Variants in DPYD observed in about 807,000 individuals in gnomAD.
DPYD encodes dihydropyrimidine dehydrogenase.
A neutral mutation model predicts 116.2 loss-of-function variants in DPYD; 109 were observed. That is an observed-to-expected ratio of 0.94 (90% CI 0.80 to 1.10). The LOEUF is 1.10. Among genes scored for constraint, DPYD ranks in the 50% least tolerant of loss-of-function variants. DPYD has a pLI of 0.00. For synonymous variants in DPYD, 440 were observed against 432.0 expected (o/e 1.02, Z -0.23); for missense variants, 1,302 against 1,254.5 (o/e 1.04, Z -0.57).
At chr1:97,320,186 C>T (rs1250930064) in intron 16 of DPYD, among the ~76,000 whole-genome samples, 18 of 132,054 alleles carry the variant, frequency 1.4e-4, no homozygotes, top group African/African-American at 4.5e-4. Context: ...ACAGGGATGC[C>T]CTCTCTCACC....
chr1:97,291,362 A>G (rs1177763040), intron 18 of DPYD, among the ~76,000 whole-genome samples: 3 of 151,982 alleles, frequency 2.0e-5, no homozygotes, highest in African/African-American at 4.8e-5. Flanking sequence ...ACTATAAATC[A>G]TGCTGCTATA....
At chr1:97,682,168 T>C (rs1660458927) in intron 7 of DPYD, among the ~76,000 whole-genome samples, 1 of 152,028 alleles carries the variant, frequency 6.6e-6, no homozygotes. Flanking sequence ...TCTACTCTAA[T>C]ACACAATAGT....
rs186905418 is a variant in DPYD at position 97,310,044 on chromosome 1, G to T, written c.2059-3747C>A. ...AATGAGACTGAGAATTTCCTGATAA[G>T]CTAAATTACAAGTGAAATTTTGACT... On this transcript the variant is annotated intron_variant, in intron 16 of 22. Transcript: ENST00000370192. Among the ~76,000 whole-genome samples the T allele has an allele frequency of 2.6e-5, 4 of 151,746 alleles. 1 individual carries two copies.
chr1:97,851,901 A>G (rs1292522076), intron 2 of DPYD, among the ~76,000 whole-genome samples: 1 of 151,896 alleles, frequency 6.6e-6, no homozygotes, highest in Non-Finnish European at 1.5e-5. Flanking sequence ...AACCAGGCAG[A>G]AAGTGCAGCA....
At chr1:97,529,477 T>A (rs571847112) in intron 12 of DPYD, among the ~76,000 whole-genome samples, 3 of 152,284 alleles carry the variant, frequency 2.0e-5, no homozygotes, top group Admixed American at 6.5e-5. Context: ...ACACACCTTT[T>A]TTTCCACAGC....
chr1:97,485,413 GC>G (rs554303177), intron 13 of DPYD, among the ~76,000 whole-genome samples: 86 of 152,270 alleles, frequency 5.6e-4, no homozygotes, highest in African/African-American at 2.0e-3. Context: ...TGTTGGCCAG[GC>G]TGGTCTCGAA....
Position 97,165,336 on chromosome 1 carries a change from C to A in DPYD, c.2622+27733G>T, listed in dbSNP as rs569586215. Among the ~76,000 whole-genome samples the A allele has an allele frequency of 2.6e-5, 4 of 152,192 alleles. No homozygotes were observed. The South Asian group carries it at 8.3e-4, about 32-fold the overall frequency. On this transcript the variant is annotated intron_variant, in intron 20 of 22. Coordinates refer to ENST00000370192, the MANE Select transcript of DPYD (RefSeq NM_000110.4). ...AAAAACAAGCAATGGGGAAAAGACT[C>A]CCTGTTCGATAAATGATGCTGAGAT...
intron 14 of DPYD, among the ~76,000 whole-genome samples, chr1:97,441,296 C>T (rs896674111): frequency 6.6e-6 from 1 of 151,972 alleles, no homozygotes; most frequent in Non-Finnish European, 1.5e-5. Context: ...AAATTTTTTT[C>T]TGTATTTCCA....
intron 14 of DPYD, among the ~76,000 whole-genome samples, chr1:97,435,679 T>C (rs1169826072): frequency 2.0e-5 from 3 of 151,978 alleles, no homozygotes; most frequent in Admixed American, 6.6e-5. Context: ...GTGTTAAGTA[T>C]TGTTTTTTAT....
chr1:97,099,180 ACTTACTGGAAT>A (rs1254701037), intron 20 of DPYD, among the ~76,000 whole-genome samples: 1 of 152,102 alleles, frequency 6.6e-6, no homozygotes, highest in Non-Finnish European at 1.5e-5. Flanking sequence ...GTTGATTGCA[ACTTACTGGAAT>A]AGCTGAAAAA....
chr1:97,349,088 A>G (rs10875070), intron 16 of DPYD, among the ~76,000 whole-genome samples: 23,951 of 152,214 alleles, frequency 0.16, 2,050 homozygotes, highest in East Asian at 0.29. Context: ...TTCTGGCTGT[A>G]GAATTTCAGC....
At chr1:97,351,370 C>T (rs957121337) in intron 16 of DPYD, among the ~76,000 whole-genome samples, 1 of 152,026 alleles carries the variant, frequency 6.6e-6, no homozygotes, top group Non-Finnish European at 1.5e-5. Flanking sequence ...AGAAGATGTT[C>T]CCACGGCGTT....
intron 13 of DPYD, among the ~76,000 whole-genome samples, chr1:97,513,149 A>G (rs574532158): frequency 6.6e-6 from 1 of 151,802 alleles, no homozygotes; most frequent in South Asian, 2.1e-4. Flanking sequence ...TTAGACCTCA[A>G]TCTGGCATCT....
rs1660924162 is a variant in DPYD, at chr1:97,689,868, T to C, written c.762+1849A>G. Among the ~76,000 whole-genome samples the C allele has an allele frequency of 2.0e-5, 3 of 152,102 alleles. No homozygotes were observed. In the South Asian group the frequency reaches 6.2e-4, roughly 31 times the overall value. On this transcript the variant is annotated intron_variant, in intron 7 of 22. Coordinates refer to ENST00000370192, the MANE Select transcript of DPYD (RefSeq NM_000110.4). ...TCACTGCTATCTTTCCTCAGAATTG[T>C]ATATACAGTTTATTGTTTACAAAGC...
chr1:97,692,754 G>T (rs1403281011), intron 6 of DPYD, among the ~76,000 whole-genome samples: 1 of 152,078 alleles, frequency 6.6e-6, no homozygotes, highest in Non-Finnish European at 1.5e-5. Context: ...TTAGAATGTG[G>T]TACGCACAAT....
intron 16 of DPYD, among the ~76,000 whole-genome samples, chr1:97,312,847 A>G (rs1667596303): frequency 6.6e-6 from 1 of 151,916 alleles, no homozygotes; most frequent in South Asian, 2.1e-4. Flanking sequence ...AAGTGTGTTC[A>G]TGCTAATATA....
chr1:97,098,663 T>C (rs1474262690), intron 20 of DPYD, 31 bp from the exon 21 acceptor site: 11 of 1,611,532 alleles, frequency 6.8e-6, no homozygotes, highest in Non-Finnish European at 9.3e-6. Flanking sequence ...TAAGGAAGCA[T>C]GTTAGCTCAG....
At chr1:97,327,944 A>G (rs1419997746) in intron 16 of DPYD, among the ~76,000 whole-genome samples, 1 of 152,196 alleles carries the variant, frequency 6.6e-6, no homozygotes, top group Non-Finnish European at 1.5e-5. Context: ...TTTAGAAGAT[A>G]TAACTTCTTA....
At chr1:97,603,195 T>C (rs989765528) in intron 8 of DPYD, among the ~76,000 whole-genome samples, 1 of 152,042 alleles carries the variant, frequency 6.6e-6, no homozygotes, top group Non-Finnish European at 1.5e-5. Flanking sequence ...TGATTGGAGT[T>C]CTTAGATAGT....
Sources: allele counts gnomAD v4.1 joint callset (sites outside exome capture counted in the v4.1 genomes callset), GRCh38; gene constraint gnomAD v4.1.1; transcripts MANE v1.5; gene names NCBI Gene and HGNC (gene_info 2026-07-23, HGNC 2026-07-21).